PLA2G4E: variants seen among roughly 807,000 people sequenced by gnomAD.
PLA2G4E encodes the protein cytosolic phospholipase A2 epsilon.
A neutral mutation model predicts 109.1 loss-of-function variants in PLA2G4E; 84 were observed. The ratio of observed to expected loss-of-function variants is 0.77; its 90% CI spans 0.65 to 0.92. The LOEUF (loss-of-function observed/expected upper bound fraction) is 0.92, where lower values mean the gene tolerates loss of function less well. PLA2G4E is among the 40% of genes least tolerant of loss of function. PLA2G4E has a pLI of 0.00. For synonymous variants in PLA2G4E, 469 were observed against 436.1 expected (o/e 1.08, Z -0.94); for missense variants, 1,057 against 1,076.6 (o/e 0.98, Z 0.25).
chr15:41,989,159 T>G (rs1025828052), intron 15 of PLA2G4E, among the ~76,000 whole-genome samples: 1 of 151,410 alleles, frequency 6.6e-6, no homozygotes, highest in Non-Finnish European at 1.5e-5. Flanking sequence ...TAGACGGGAG[T>G]GGGTGGGAGT....
chr15:42,001,848 T>C (rs986240965), intron 6 of PLA2G4E, among the ~76,000 whole-genome samples: 2 of 152,060 alleles, frequency 1.3e-5, no homozygotes, highest in African/African-American at 4.8e-5. Flanking sequence ...CATGCTACCA[T>C]GCCTGGCTAA....
chr15:41,997,069 C>A, intron 11 of PLA2G4E, 55 bp downstream of exon 11: 1 of 1,476,266 alleles, frequency 6.8e-7, no homozygotes, highest in Non-Finnish European at 9.0e-7. Flanking sequence ...GCTGGGAGGG[C>A]ATGGTGCTGG....
At chr15:41,986,169 C>T (rs192224144) in intron 17 of PLA2G4E, among the ~76,000 whole-genome samples, 164 bp from the exon 18 acceptor site, 78 of 152,252 alleles carry the variant, frequency 5.1e-4, no homozygotes, top group Non-Finnish European at 9.1e-4. Context: ...GGAAGAACAG[C>T]GTTATCTTGG....
chr15:42,028,399 A>ATTTCTTTC (rs57271507), intron 1 of PLA2G4E, among the ~76,000 whole-genome samples: 75 of 147,990 alleles, frequency 5.1e-4, no homozygotes, highest in African/African-American at 1.7e-3. Context: ...TTATTTATTT[A>ATTTCTTTC]TTTATTTATT....
rs527562303 is a variant in PLA2G4E, at chr15:41,994,080, A to C, written c.1248-1121T>G. On this transcript the variant is annotated intron_variant, in intron 12 of 19. Coordinates refer to ENST00000399518, the Ensembl canonical transcript of PLA2G4E. ...GGGGCAGCCATTTAGCATGGAGGTT[A>C]AGGATGTGGGCCCGGGACTAGGTTC... is the stretch of plus-strand genomic sequence containing the variant. Among the ~76,000 whole-genome samples the C allele has an allele frequency of 6.4e-4, 97 of 152,264 alleles. 3 individuals carry two copies. The South Asian group carries it at 0.019, about 29-fold the overall frequency.
Position 42,037,985 on chromosome 15 carries a change from C to T in PLA2G4E, c.183+12536G>A, listed in dbSNP as rs79459400. ...CCAGGCTGAGTGGGCAGAACGAACCCAGCGGACCCAAGCAAAACTTGGGCA... is the reference window on the plus strand; with the variant it reads ...CCAGGCTGAGTGGGCAGAACGAACCTAGCGGACCCAAGCAAAACTTGGGCA... On this transcript the variant is annotated intron_variant, in intron 1 of 19. Coordinates refer to ENST00000399518, the Ensembl canonical transcript of PLA2G4E. Among the ~76,000 whole-genome samples the T allele has an allele frequency of 6.2e-3, 943 of 152,272 alleles. 12 individuals carry two copies. Among genetic ancestry groups the T allele is most frequent in the African/African-American group, 0.022 (912 of 41,558 alleles).
chr15:42,035,802 T>C lies in PLA2G4E; in HGVS notation c.183+14719A>G, dbSNP rs537848509. 2.0e-5 allele frequency among the ~76,000 whole-genome samples: 3 copies of C among 152,318 alleles called. No homozygotes were observed. In the South Asian group the frequency reaches 6.2e-4, roughly 32 times the overall value. On this transcript the variant is annotated intron_variant, in intron 1 of 19. Coordinates refer to ENST00000399518, the Ensembl canonical transcript of PLA2G4E. ...TAGGTATCCATTTTATTATTCTCTA[T>C]ACATTTTGTATATCGTATATATTGC...
chr15:42,038,526 A>T (rs1452326265), intron 1 of PLA2G4E, among the ~76,000 whole-genome samples: 1 of 152,206 alleles, frequency 6.6e-6, no homozygotes, highest in East Asian at 1.9e-4. Flanking sequence ...GGCAGTTCAG[A>T]ATAGTGTTTG....
intron 15 of PLA2G4E, 66 bp from the exon 16 acceptor site, chr15:41,988,222 TCCCCACTCC>T: frequency 1.7e-6 from 2 of 1,179,008 alleles, no homozygotes; most frequent in Non-Finnish European, 2.4e-6. Context: ...GACATTTGAT[TCCCCACTCC>T]CCCCACCCCC....
intron 5 of PLA2G4E, among the ~76,000 whole-genome samples, chr15:42,003,905 C>T (rs998267171): frequency 2.0e-5 from 3 of 151,382 alleles, no homozygotes; most frequent in Non-Finnish European, 3.0e-5. Context: ...TCCTTGCTTT[C>T]CTTCCTTCCT....
intron 1 of PLA2G4E, among the ~76,000 whole-genome samples, chr15:42,027,134 G>A (rs2068699692): frequency 1.3e-5 from 2 of 152,148 alleles, no homozygotes; most frequent in East Asian, 1.9e-4. Flanking sequence ...AGCAACACAC[G>A]AGACGCACGC....
At chr15:41,995,558 T>TTAG in intron 11 of PLA2G4E, 62 bp from the exon 12 acceptor site, 5 of 1,591,022 alleles carry the variant, frequency 3.1e-6, no homozygotes, top group Non-Finnish European at 4.3e-6. Flanking sequence ...GGGAGAAGAC[T>TTAG]TAGAATGACG....
chr15:41,989,600 G>T (rs749873573), intron 14 of PLA2G4E, 48 bp from the exon 15 acceptor site: 1 of 1,576,424 alleles, frequency 6.3e-7, no homozygotes, highest in Non-Finnish European at 8.6e-7. Flanking sequence ...CCAGGGAGCC[G>T]TCCACACAGC....
intron 10 of PLA2G4E, 54 bp downstream of exon 10, chr15:41,999,470 C>T: frequency 7.5e-7 from 1 of 1,329,176 alleles, no homozygotes; most frequent in Non-Finnish European, 1.1e-6. Context: ...GATACCACTG[C>T]ACACCCACTG....
At chr15:41,995,859 ATG>A (rs926201442) in intron 11 of PLA2G4E, among the ~76,000 whole-genome samples, 13 of 152,174 alleles carry the variant, frequency 8.5e-5, no homozygotes, top group Non-Finnish European at 1.8e-4. Flanking sequence ...AACCCTACTA[ATG>A]TGCGATCCCT....
At chr15:42,014,304 C>G (rs1182739029) in intron 1 of PLA2G4E, among the ~76,000 whole-genome samples, 2 of 152,186 alleles carry the variant, frequency 1.3e-5, no homozygotes, top group Non-Finnish European at 2.9e-5. Flanking sequence ...CTTTGTACCT[C>G]CAGTACCTAT....
At chr15:41,997,390 C>A in intron 10 of PLA2G4E, 131 bp from the exon 11 acceptor site, 1 of 1,043,942 alleles carries the variant, frequency 9.6e-7, no homozygotes. Context: ...CCTTGGGTCT[C>A]CACTTTCCCA....
chr15:42,002,251 T>TGA (rs2068427845), intron 6 of PLA2G4E, among the ~76,000 whole-genome samples: 1 of 103,512 alleles, frequency 9.7e-6, no homozygotes, highest in Non-Finnish European at 1.7e-5. Context: ...GGCGACAGAG[T>TGA]GAGACCTTGT....
intron 1 of PLA2G4E, among the ~76,000 whole-genome samples, chr15:42,028,920 G>A (rs1889069168): frequency 1.3e-5 from 2 of 152,100 alleles, no homozygotes; most frequent in Non-Finnish European, 2.9e-5. Flanking sequence ...CAAACTAGAT[G>A]TGACTCTATT....
Sources: gnomAD v4.1 joint callset for allele counts (sites outside exome capture counted in the v4.1 genomes callset) on GRCh38, gnomAD v4.1.1 for gene constraint, MANE v1.5 for transcripts, NCBI Gene and HGNC (gene_info 2026-07-23, HGNC 2026-07-21) for gene names.